THOC7: variants seen among roughly 807,000 people sequenced by gnomAD.
THOC7 encodes the protein NIF3L1-binding protein 1.
Under a neutral mutation model 33.1 loss-of-function variants are expected in THOC7, and 22 were observed. The observed-to-expected ratio is 0.66, with a 90% CI of 0.47 to 0.95. The LOEUF (loss-of-function observed/expected upper bound fraction) is 0.95, where lower values mean the gene tolerates loss of function less well. Ranked by LOEUF, THOC7 falls within the 40% of genes least tolerant of loss-of-function variation. The pLI, the probability that THOC7 is intolerant of heterozygous loss-of-function variation, is 0.00. For missense variants in THOC7, 184 were observed against 245.3 expected (o/e 0.75, Z 1.67); for synonymous variants, 77 against 76.8 (o/e 1.00, Z -0.01).
At chr3:63,848,729 C>A (rs930921639) in intron 1 of THOC7, 4 of 152,156 alleles carry the variant, frequency 2.6e-5, no homozygotes, top group African/African-American at 9.7e-5. Context: ...TTACATGAGA[C>A]TGATTGAACT....
intron 1 of THOC7, among the ~76,000 whole-genome samples, chr3:63,843,034 T>A (rs527388726): frequency 6.6e-6 from 1 of 152,190 alleles, no homozygotes; most frequent in South Asian, 2.1e-4. Context: ...GTGATCCACA[T>A]GCCTCAACCT....
intron 1 of THOC7, among the ~76,000 whole-genome samples, chr3:63,861,184 G>A (rs982065901): frequency 2.1e-4 from 32 of 152,160 alleles, no homozygotes; most frequent in African/African-American, 7.0e-4. Flanking sequence ...CTGAAGCTGA[G>A]ACAGTCTGTA....
At chr3:63,839,554 C>A in intron 2 of THOC7, 102 bp downstream of exon 2, 1 of 972,792 alleles carries the variant, frequency 1.0e-6, no homozygotes, top group Admixed American at 1.8e-5. Context: ...CTCCACTGTA[C>A]ATTTAAGGTG....
intron 1 of THOC7, among the ~76,000 whole-genome samples, chr3:63,842,077 T>C (rs952445436): frequency 6.6e-6 from 1 of 152,084 alleles, no homozygotes; most frequent in African/African-American, 2.4e-5. Flanking sequence ...TTAATAGATC[T>C]AAGAGAGATT....
intron 5 of THOC7, among the ~76,000 whole-genome samples, chr3:63,835,875 T>G (rs1011836887): frequency 6.6e-6 from 1 of 152,080 alleles, no homozygotes; most frequent in Non-Finnish European, 1.5e-5. Context: ...AGTATTGGTA[T>G]ATAATATTTG....
At chr3:63,849,090 T>C (rs1701968311) in intron 1 of THOC7, among the ~76,000 whole-genome samples, 1 of 152,316 alleles carries the variant, frequency 6.6e-6, no homozygotes, top group South Asian at 2.1e-4. Flanking sequence ...AAAATGTTCT[T>C]AGAATGCCTA....
At chr3:63,843,031 A>G (rs1252405729) in intron 1 of THOC7, among the ~76,000 whole-genome samples, 1 of 151,294 alleles carries the variant, frequency 6.6e-6, no homozygotes, top group African/African-American at 2.4e-5. Context: ...CAAGTGATCC[A>G]CATGCCTCAA....
At chr3:63,838,726 T>C (rs1338172276) in intron 2 of THOC7, among the ~76,000 whole-genome samples, 1 of 152,090 alleles carries the variant, frequency 6.6e-6, no homozygotes, top group Non-Finnish European at 1.5e-5. Flanking sequence ...TTGTTGTTCT[T>C]ATCAATGCAC....
intron 1 of THOC7, among the ~76,000 whole-genome samples, chr3:63,859,465 G>A (rs990718709): frequency 2.6e-5 from 4 of 152,202 alleles, no homozygotes; most frequent in African/African-American, 9.6e-5. Flanking sequence ...AGGGTGCAGA[G>A]CTTGTTTTCA....
chr3:63,846,127 C>G (rs531769076), intron 1 of THOC7: 3 of 406,556 alleles, frequency 7.4e-6, no homozygotes, highest in African/African-American at 2.1e-5. Context: ...ACTGATGTAA[C>G]TCCTACTGCC....
chr3:63,854,802 A>C (rs1702080844), intron 1 of THOC7: 1 of 152,016 alleles, frequency 6.6e-6, no homozygotes, highest in Non-Finnish European at 1.5e-5. Flanking sequence ...AGGTCAGGAG[A>C]TCGAGACCAT....
At chr3:63,856,076 G>T (rs1485652369) in intron 1 of THOC7, among the ~76,000 whole-genome samples, 1 of 151,972 alleles carries the variant, frequency 6.6e-6, no homozygotes, top group Non-Finnish European at 1.5e-5. Flanking sequence ...GTAAAAAACT[G>T]AAAACAAACT....
chr3:63,842,915 G>A (rs1479939787), intron 1 of THOC7, among the ~76,000 whole-genome samples: 1 of 151,922 alleles, frequency 6.6e-6, no homozygotes, highest in African/African-American at 2.4e-5. Flanking sequence ...CCAAGTAGCT[G>A]TGACTACACA....
At chr3:63,852,198 C>T (rs556399804) in intron 1 of THOC7, among the ~76,000 whole-genome samples, 5 of 152,246 alleles carry the variant, frequency 3.3e-5, no homozygotes, top group East Asian at 1.9e-4. Flanking sequence ...CCAAGAGATC[C>T]GCCTAGATTT....
At position 63,835,364 on chromosome 3, in the gene THOC7, A is replaced by G. The variant is rs778707914; in HGVS notation, c.437T>C (p.Leu146Ser). Reference sequence around the variant, plus strand: ...TTCTTTAATGTGTGAAAGATGCTCTAATTCTTTTCCCAGAGCCTCTAGTTC... The same window carrying G: ...TTCTTTAATGTGTGAAAGATGCTCTGATTCTTTTCCCAGAGCCTCTAGTTC... The part of the protein sequence containing the change: ...LKELEALGKE[L>S]EHLSHIKESV... The change falls in exon 6 of 8, where the codon TTA (leucine) becomes TCA (serine). Residue 146 changes from leucine (L) to serine (S), a missense_variant. By Grantham distance (145) the Leu-to-Ser change is moderately radical. Around this residue, in one of 3 missense-constraint regions of THOC7, gnomAD observed 157 missense variants for 201.3 expected, o/e 0.78. Coordinates refer to ENST00000295899, the MANE Select transcript of THOC7 (RefSeq NM_025075.4). The G allele has an allele frequency of 6.2e-7, 1 of 1,613,494 alleles. No individual in the cohort carries two copies. Among genetic ancestry groups the G allele is most frequent in the Non-Finnish European group, 8.5e-7 (1 of 1,179,736 alleles).
At chr3:63,848,086 T>C (rs1017772991) in intron 1 of THOC7, among the ~76,000 whole-genome samples, 6 of 152,132 alleles carry the variant, frequency 3.9e-5, no homozygotes, top group Non-Finnish European at 5.9e-5. Context: ...TTGAAATAAA[T>C]TGAAGTATTT....
intron 1 of THOC7, chr3:63,860,900 A>G (rs1177498581): frequency 6.6e-6 from 1 of 152,196 alleles, no homozygotes; most frequent in Non-Finnish European, 1.5e-5. Context: ...TCTAGGAAAG[A>G]AAAGAGGGGA....
At chr3:63,843,128 G>A (rs1441529379) in intron 1 of THOC7, among the ~76,000 whole-genome samples, 1 of 150,166 alleles carries the variant, frequency 6.7e-6, no homozygotes, top group Non-Finnish European at 1.5e-5. Flanking sequence ...TTGTTTGTTT[G>A]TTTGTTTGGA....
chr3:63,853,652 T>C (rs1021691081), intron 1 of THOC7, among the ~76,000 whole-genome samples: 28 of 152,368 alleles, frequency 1.8e-4, no homozygotes, highest in African/African-American at 6.0e-4. Context: ...CTCACGCCTG[T>C]AATCCCAGCA....
Sources: gnomAD v4.1 joint callset for allele counts (sites outside exome capture counted in the v4.1 genomes callset) on GRCh38, gnomAD v4.1.1 for gene constraint, gnomAD v4.1.1 regional missense constraint, MANE v1.5 for transcripts, NCBI Gene and HGNC (gene_info 2026-07-23, HGNC 2026-07-21) for gene names.